VPS13D: variants seen among roughly 807,000 people sequenced by gnomAD.
The protein encoded by VPS13D is vacuolar protein sorting 13 homolog D.
In VPS13D, 187 loss-of-function variants were observed where a neutral mutation model predicts 461.9. The observed-to-expected ratio is 0.40, with a 90% CI of 0.36 to 0.46. The LOEUF (loss-of-function observed/expected upper bound fraction) is 0.46, where lower values mean the gene tolerates loss of function less well. Ranked by LOEUF, VPS13D falls within the 20% of genes least tolerant of loss-of-function variation. VPS13D has a pLI of 0.60. For missense variants in VPS13D, 4,711 were observed against 5,364.9 expected (o/e 0.88, Z 3.81); for synonymous variants, 1,951 against 1,986.3 (o/e 0.98, Z 0.47).
At chr1:12,440,588 GAAGGA>G (rs1487777239) in intron 65 of VPS13D, among the ~76,000 whole-genome samples, 3 of 152,150 alleles carry the variant, frequency 2.0e-5, no homozygotes, top group African/African-American at 7.2e-5. Flanking sequence ...TAAAGTGAAG[GAAGGA>G]GGCCAGGCGC....
chr1:12,420,636 G>A (rs972192036), intron 65 of VPS13D, among the ~76,000 whole-genome samples: 1 of 152,284 alleles, frequency 6.6e-6, no homozygotes, highest in African/African-American at 2.4e-5. Flanking sequence ...AGAGATTCTT[G>A]CCTCCAAAGA....
intron 65 of VPS13D, among the ~76,000 whole-genome samples, chr1:12,431,657 C>CTT (rs145374059): frequency 0.02 from 3,104 of 152,016 alleles, 101 homozygotes; most frequent in African/African-American, 0.07. Context: ...GTCTTGGTAT[C>CTT]TTTAACCCTA....
chr1:12,283,707 G>C lies in VPS13D; in HGVS notation c.5605G>C (p.Asp1869His). ...TGCCTCCATGGAGTCTGGACTTCAG[G>C]ATCCAGTGAACACCAAACTGGATCT... ...PHASMESGLQ[D>H]PVNTKLDLKV... Residue 1869 changes from aspartate to histidine, a missense_variant, in exon 21 of 70, where the codon GAT becomes CAT. Physicochemically the swap from Asp to His is moderately conservative, Grantham distance 81 (BLOSUM62 -1). Coordinates refer to ENST00000620676, the MANE Select transcript of VPS13D (RefSeq NM_015378.4). 1 of 1,613,732 alleles carries C rather than the reference G, an allele frequency of 6.2e-7. No individual in the cohort carries two copies. Among genetic ancestry groups the C allele is most frequent in the Admixed American group, 1.7e-5 (1 of 60,000 alleles).
chr1:12,415,697 GAATA>G (rs1644784930), intron 64 of VPS13D, among the ~76,000 whole-genome samples: 1 of 152,174 alleles, frequency 6.6e-6, no homozygotes, highest in Admixed American at 6.5e-5. Context: ...AATCTTCAAT[GAATA>G]GATAGGTCAA....
At chr1:12,321,172 C>T (rs1643024914) in intron 32 of VPS13D, among the ~76,000 whole-genome samples, 1 of 152,088 alleles carries the variant, frequency 6.6e-6, no homozygotes, top group South Asian at 2.1e-4. Flanking sequence ...TATTATAGAA[C>T]ATTTCAAACA....
chr1:12,325,651 T>C (rs1389055719), intron 35 of VPS13D, among the ~76,000 whole-genome samples: 2 of 152,220 alleles, frequency 1.3e-5, no homozygotes, highest in African/African-American at 4.8e-5. Flanking sequence ...CTGTTGCCAA[T>C]ACAATTTTAT....
intron 57 of VPS13D, among the ~76,000 whole-genome samples, chr1:12,381,922 TTTTCTTTCTTTCTTTCTTTC>T (rs35247625): frequency 0.012 from 1,189 of 101,224 alleles, 13 homozygotes; most frequent in African/African-American, 0.026. Flanking sequence ...CTTTCTTTTC[TTTTCTTTCTTTCTTTCTTTC>T]TTTCTTTCTT....
intron 65 of VPS13D, among the ~76,000 whole-genome samples, chr1:12,442,005 C>G (rs1370572154): frequency 2.0e-5 from 3 of 151,984 alleles, no homozygotes; most frequent in Non-Finnish European, 4.4e-5. Context: ...TTATATTATG[C>G]TTAACCCTCA....
intron 65 of VPS13D, among the ~76,000 whole-genome samples, chr1:12,425,555 T>C (rs1644914120): frequency 6.7e-6 from 1 of 150,294 alleles, no homozygotes; most frequent in African/African-American, 2.5e-5. Flanking sequence ...CAATGTTGTT[T>C]CTGTCTTAAA....
At chr1:12,478,350 T>G (rs1482106251) in intron 67 of VPS13D, among the ~76,000 whole-genome samples, 1 of 152,240 alleles carries the variant, frequency 6.6e-6, no homozygotes, top group Non-Finnish European at 1.5e-5. Flanking sequence ...GGAGATAATA[T>G]GAGCCTTCGT....
Position 12,354,146 on chromosome 1 carries a change from C to T in VPS13D, c.9604C>T (p.Pro3202Ser). The change falls in exon 47 of 70, where the codon CCA becomes TCA. Residue 3202 changes from proline (P) to serine (S), a missense_variant. This residue lies in a region of VPS13D where 4,411 missense variants were observed against 4,937.8 expected (regional missense o/e 0.89). Transcript: ENST00000620676. ...CELDFYVKGM[P>S]INGTLKPGKE... ...ACTTGATTTTTATGTTAAAGGAATGCCAATTAATGGGACGCTGAAACCTGG... is the reference window on the plus strand; with the variant it reads ...ACTTGATTTTTATGTTAAAGGAATGTCAATTAATGGGACGCTGAAACCTGG... 1 of 1,614,124 alleles carries T rather than the reference C, an allele frequency of 6.2e-7. No individual in the cohort carries two copies. Among genetic ancestry groups the T allele is most frequent in the Admixed American group, 1.7e-5 (1 of 60,026 alleles).
chr1:12,468,245 A>G (rs1426996872), intron 67 of VPS13D, among the ~76,000 whole-genome samples: 1 of 152,222 alleles, frequency 6.6e-6, no homozygotes, highest in Non-Finnish European at 1.5e-5. Flanking sequence ...TTGAGAAAAA[A>G]TTTGTATTTT....
At chr1:12,450,601 C>T (rs1006029452) in intron 65 of VPS13D, among the ~76,000 whole-genome samples, 3 of 152,150 alleles carry the variant, frequency 2.0e-5, no homozygotes, top group South Asian at 4.1e-4. Flanking sequence ...CTAGGGCAGC[C>T]GCAGCTCCTA....
At position 12,276,593 on chromosome 1, in the gene VPS13D, G is replaced by C; in HGVS notation, c.3005G>C (p.Gly1002Ala). ...GCTGAAGTCTCCCTAACTGTTCATG[G>C]TTTGCTCCTGGTGGATACCATGCAG... ...YDAEVSLTVH[G>A]LLLVDTMQTY... Residue 1002 changes from glycine (G) to alanine (A), a missense_variant, in exon 19 of 70, where the codon GGT (glycine) becomes GCT (alanine). This residue lies in a region of VPS13D where 4,411 missense variants were observed against 4,937.8 expected (regional missense o/e 0.89). Transcript: ENST00000620676. The surrounding 1 kb of genome is among the most constrained non-coding windows in gnomAD (Gnocchi z 4.5). The C allele has an allele frequency of 6.2e-7, 1 of 1,614,154 alleles. No homozygotes were observed. The highest frequency in any genetic ancestry group is 8.5e-7 in the Non-Finnish European group (1 of 1,180,030).
chr1:12,430,460 G>A (rs1644977590), intron 65 of VPS13D, among the ~76,000 whole-genome samples: 1 of 152,194 alleles, frequency 6.6e-6, no homozygotes, highest in South Asian at 2.1e-4. Flanking sequence ...AGGAATTAAA[G>A]CACTTTCACG....
At chr1:12,405,100 C>T (rs183097704) in intron 63 of VPS13D, among the ~76,000 whole-genome samples, 18 of 152,308 alleles carry the variant, frequency 1.2e-4, no homozygotes, top group African/African-American at 3.8e-4. Flanking sequence ...GCTGCGCTGG[C>T]GATGCAGCGA....
chr1:12,400,365 A>G (rs748403586), intron 61 of VPS13D, 35 bp downstream of exon 61: 9 of 1,609,156 alleles, frequency 5.6e-6, no homozygotes, highest in Admixed American at 1.7e-5. Context: ...GGTTGATGCC[A>G]TGCTGGAACG....
intron 14 of VPS13D, 33 bp downstream of exon 14, chr1:12,267,044 A>T (rs1041183442): frequency 2.0e-6 from 3 of 1,498,112 alleles, no homozygotes; most frequent in Non-Finnish European, 1.8e-6. Context: ...TAATGTATCT[A>T]AGGTGTTGGT....
chr1:12,287,621 T>C (rs1642011136), intron 21 of VPS13D, among the ~76,000 whole-genome samples: 1 of 152,216 alleles, frequency 6.6e-6, no homozygotes, highest in Admixed American at 6.5e-5. Flanking sequence ...CCTAGACATA[T>C]AAGATCTTTT....
Sources: allele counts gnomAD v4.1 joint callset (sites outside exome capture counted in the v4.1 genomes callset), GRCh38; gene constraint gnomAD v4.1.1; regional missense constraint gnomAD v4.1.1; non-coding constraint Gnocchi (gnomAD v3.1); transcripts MANE v1.5; gene names NCBI Gene and HGNC (gene_info 2026-07-23, HGNC 2026-07-21).